Variants in VOPP1 observed in about 807,000 individuals in gnomAD.
The protein encoded by VOPP1 is WW domain binding protein VOPP1.
A neutral mutation model predicts 23.5 loss-of-function variants in VOPP1; 8 were observed. The observed-to-expected ratio is 0.34, with a 90% CI of 0.20 to 0.61. VOPP1 has a LOEUF of 0.61. Among genes scored for constraint, VOPP1 ranks in the 20% least tolerant of loss-of-function variants. The pLI is 0.78. For synonymous variants in VOPP1, 83 were observed against 97.3 expected, an observed-to-expected ratio of 0.85 and a Z score of 0.86; for missense variants, 174 against 238.1, an observed-to-expected ratio of 0.73 and a Z score of 1.77.
chr7:55,502,255 A>G (rs1794419941), intron 2 of VOPP1, among the ~76,000 whole-genome samples: 1 of 152,258 alleles, frequency 6.6e-6, no homozygotes, highest in South Asian at 2.1e-4. Flanking sequence ...TACCCGTCCT[A>G]GAATATTTGG....
chr7:55,565,248 GT>G (rs1452476113), intron 1 of VOPP1, among the ~76,000 whole-genome samples: 3 of 152,080 alleles, frequency 2.0e-5, no homozygotes, highest in Non-Finnish European at 4.4e-5. Context: ...TCACCTTCGC[GT>G]TTAGACACCC....
At chr7:55,481,120 G>A (rs1400168336) in intron 4 of VOPP1, among the ~76,000 whole-genome samples, 2 of 152,240 alleles carry the variant, frequency 1.3e-5, no homozygotes, top group East Asian at 1.9e-4. Flanking sequence ...CTGGAGGAGC[G>A]TGCCGTGTAC....
chr7:55,561,126 G>A (rs902824559), intron 1 of VOPP1, among the ~76,000 whole-genome samples: 1 of 151,988 alleles, frequency 6.6e-6, no homozygotes, highest in Admixed American at 6.6e-5. Flanking sequence ...CACCACAACC[G>A]CTGTGCGACC....
intron 3 of VOPP1, 41 bp from the exon 4 acceptor site, chr7:55,492,459 G>T: frequency 3.8e-6 from 6 of 1,567,008 alleles, no homozygotes; most frequent in Non-Finnish European, 5.2e-6. Flanking sequence ...TCCCAGGTGG[G>T]GGCCCTGAGG....
intron 4 of VOPP1, among the ~76,000 whole-genome samples, chr7:55,450,079 C>T (rs890035117): frequency 4.6e-5 from 7 of 152,204 alleles, no homozygotes; most frequent in Non-Finnish European, 1.0e-4. Context: ...AAGAAAAAGA[C>T]GAGCAACGAT....
intron 1 of VOPP1, among the ~76,000 whole-genome samples, chr7:55,530,317 T>C (rs1427384746): frequency 3.3e-5 from 5 of 152,154 alleles, no homozygotes; most frequent in Non-Finnish European, 7.3e-5. Context: ...GTGATTTTAA[T>C]TGGAATTTCC....
In VOPP1 at chr7:55,497,570, G is replaced by C. The variant is rs747399146; in HGVS notation, c.191+43C>G. On this transcript the variant is annotated intron_variant, in intron 3 of 4. Transcript: ENST00000285279. ...CAACACTGATGGGGGGGGGGGGGGG[G>C]CAGAGCTCTCGGGGTAGGGAACAAG... 2.6e-4 allele frequency: 318 copies of C among 1,220,534 alleles called. 7 individuals carry two copies. In the African/African-American group the frequency reaches 4.1e-3, roughly 16 times the overall value. The allele number at this position is 1,220,534 out of a possible 1,614,324, so 75.6% of individuals were successfully genotyped here. A position where few individuals can be genotyped will look rare whatever the true frequency, so the allele number is the denominator to read the frequency against.
At position 55,536,691 on chromosome 7, in the gene VOPP1, T is replaced by C. The variant is rs551914639; in HGVS notation, c.55-15561A>G. Among the ~76,000 whole-genome samples, 3 of 152,230 alleles carry C rather than the reference T, an allele frequency of 2.0e-5. No homozygotes were observed. The South Asian group carries it at 6.2e-4, about 32-fold the overall frequency. On this transcript the variant is annotated intron_variant, in intron 1 of 4. Transcript: ENST00000285279. ...CAGAGCACATGGCACGTGGCAGGAC[T>C]GAACAATGACACTGATATAAAAACA...
chr7:55,567,659 G>C (rs1443571350), intron 1 of VOPP1, among the ~76,000 whole-genome samples: 1 of 152,194 alleles, frequency 6.6e-6, no homozygotes, highest in East Asian at 1.9e-4. Flanking sequence ...CAGACACCTG[G>C]ACCCAGGCTT....
downstream of VOPP1, among the ~76,000 whole-genome samples, chr7:55,435,634 T>C (rs1790804413): frequency 6.6e-6 from 1 of 152,244 alleles, no homozygotes; most frequent in Non-Finnish European, 1.5e-5. Flanking sequence ...CATTGTCTCC[T>C]GTCAGAGGCA....
chr7:55,496,208 C>G (rs1400161401), intron 3 of VOPP1, among the ~76,000 whole-genome samples: 3 of 152,208 alleles, frequency 2.0e-5, no homozygotes, highest in African/African-American at 7.2e-5. Flanking sequence ...TCATCTAGTG[C>G]TTTAGACCAA....
chr7:55,443,973 T>G (rs980186492), intron 4 of VOPP1, among the ~76,000 whole-genome samples: 1 of 152,188 alleles, frequency 6.6e-6, no homozygotes, highest in Admixed American at 6.5e-5. Context: ...ATTGATATGT[T>G]GCCTGCTGAA....
rs924843648 is a variant in VOPP1, at chr7:55,562,928, C to A, written c.54+9343G>T. ...GATGACCTAATTGTAGATTACTATG[C>A]GGTCTGGGCACATCACTCGGAAGTT... On this transcript the variant is annotated intron_variant, in intron 1 of 4. Coordinates refer to ENST00000285279, the MANE Select transcript of VOPP1 (RefSeq NM_030796.5). Among the ~76,000 whole-genome samples the A allele has an allele frequency of 5.3e-5, 8 of 152,140 alleles. No individual in the cohort carries two copies. In the South Asian group the frequency reaches 1.7e-3, roughly 32 times the overall value.
At chr7:55,510,245 A>G (rs963003082) in intron 2 of VOPP1, among the ~76,000 whole-genome samples, 2 of 152,202 alleles carry the variant, frequency 1.3e-5, no homozygotes, top group Non-Finnish European at 2.9e-5. Context: ...CTTTTACATT[A>G]TAACTAATGT....
At chr7:55,487,600 G>C (rs1793235172) in intron 4 of VOPP1, among the ~76,000 whole-genome samples, 1 of 152,168 alleles carries the variant, frequency 6.6e-6, no homozygotes, top group Non-Finnish European at 1.5e-5. Context: ...TGGGACTACA[G>C]GTGTATGTCA....
intron 2 of VOPP1, among the ~76,000 whole-genome samples, chr7:55,504,741 C>T (rs543891886): frequency 6.6e-6 from 1 of 152,360 alleles, no homozygotes; most frequent in South Asian, 2.1e-4. Flanking sequence ...AAAGGACTCG[C>T]ATATTTTCCC....
At chr7:55,558,868 C>T (rs111975295) in intron 1 of VOPP1, among the ~76,000 whole-genome samples, 140 of 152,278 alleles carry the variant, frequency 9.2e-4, no homozygotes, top group African/African-American at 3.2e-3. Flanking sequence ...GAGCCCTCTT[C>T]AGCAATAATA....
chr7:55,456,851 T>C (rs1201467618), intron 4 of VOPP1, among the ~76,000 whole-genome samples: 2 of 152,160 alleles, frequency 1.3e-5, no homozygotes, highest in African/African-American at 2.4e-5. Flanking sequence ...CTAATGTAGA[T>C]GATGGGTTGA....
At chr7:55,503,572 G>T (rs1449510588) in intron 2 of VOPP1, among the ~76,000 whole-genome samples, 1 of 152,216 alleles carries the variant, frequency 6.6e-6, no homozygotes, top group African/African-American at 2.4e-5. Flanking sequence ...GCTATGGATG[G>T]AAAGTGTCTC....
Sources: allele counts gnomAD v4.1 joint callset (sites outside exome capture counted in the v4.1 genomes callset), GRCh38; gene constraint gnomAD v4.1.1; transcripts MANE v1.5; gene names NCBI Gene and HGNC (gene_info 2026-07-23, HGNC 2026-07-21).